KRIT1: variants seen among roughly 807,000 people sequenced by gnomAD.
The protein encoded by KRIT1 is KRIT1 ankyrin repeat containing.
Under a neutral mutation model 95.8 loss-of-function variants are expected in KRIT1, and 45 were observed. The ratio of observed to expected loss-of-function variants is 0.47; its 90% CI spans 0.37 to 0.60. The LOEUF is 0.60. Ranked by LOEUF, KRIT1 falls within the 20% of genes least tolerant of loss-of-function variation. The probability of loss-of-function intolerance (pLI) is 0.00; values close to 1 mark genes in which losing one functional copy is unlikely to be tolerated. For synonymous variants in KRIT1, 282 were observed against 278.8 expected (o/e 1.01, Z -0.11); for missense variants, 788 against 877.5 (o/e 0.90, Z 1.29).
In KRIT1 at chr7:92,222,845, A is replaced by G. The variant is rs770486304; in HGVS notation, c.1388T>C (p.Ile463Thr). ...ACTGAGGTTTTCTGAACAAATCCAT[A>G]TAGTGAAATATTGCTGAGTTTCTTG... is the stretch of plus-strand genomic sequence containing the variant. Reference protein sequence around the residue: ...LSQETQQYFTIWICSENLSLQ... With the variant: ...LSQETQQYFTTWICSENLSLQ... The change falls in exon 13 of 19, where the codon ATA (isoleucine) becomes ACA (threonine). Residue 463 changes from isoleucine to threonine, a missense_variant. Ile to Thr is a moderately conservative substitution (Grantham distance 89, BLOSUM62 -1). Transcript: ENST00000394505. 6 of 1,606,608 alleles carry G rather than the reference A, an allele frequency of 3.7e-6. No homozygotes were observed. In the Admixed American group the frequency reaches 5.0e-5, roughly 13 times the overall value.
chr7:92,224,859 T>G (rs1371578342), intron 12 of KRIT1, among the ~76,000 whole-genome samples: 1 of 152,076 alleles, frequency 6.6e-6, no homozygotes, highest in Non-Finnish European at 1.5e-5. Context: ...AATGAATAGA[T>G]TAAAATTACG....
intron 12 of KRIT1, among the ~76,000 whole-genome samples, chr7:92,223,273 CAAAAAAAA>C (rs568078150): frequency 2.4e-5 from 1 of 42,114 alleles, no homozygotes; most frequent in African/African-American, 7.5e-5. Context: ...ACTAAAAATA[CAAAAAAAA>C]AAAAAAAAAA....
Position 92,234,599 on chromosome 7 carries a change from A to G in KRIT1, c.846-7T>C. On this transcript the variant is annotated splice_polypyrimidine_tract_variant and splice_region_variant and intron_variant, in intron 9 of 18. Transcript: ENST00000394505. ...ATCTACCCACTGTCGTTCCCTAATCATTAAAAAGAAATTTTGAAAAATACA... is the reference window on the plus strand; with the variant it reads ...ATCTACCCACTGTCGTTCCCTAATCGTTAAAAAGAAATTTTGAAAAATACA... 1.2e-6 allele frequency: 2 copies of G among 1,611,620 alleles called. No homozygotes were observed. Among genetic ancestry groups the G allele is most frequent in the Non-Finnish European group, 1.7e-6 (2 of 1,177,768 alleles).
At chr7:92,207,876 C>CAAAT (rs1430376552) in intron 17 of KRIT1, among the ~76,000 whole-genome samples, 2 of 152,026 alleles carry the variant, frequency 1.3e-5, no homozygotes, top group African/African-American at 4.8e-5. Context: ...TATAAACAAA[C>CAAAT]AAATAAATAA....
chr7:92,211,949 A>C (rs1233200739), intron 17 of KRIT1, among the ~76,000 whole-genome samples: 2 of 148,394 alleles, frequency 1.3e-5, no homozygotes, highest in African/African-American at 2.5e-5. Flanking sequence ...AAAAACAACA[A>C]AAAAAAAAAG....
At chr7:92,224,334 C>T (rs866369673) in intron 12 of KRIT1, among the ~76,000 whole-genome samples, 4 of 152,214 alleles carry the variant, frequency 2.6e-5, no homozygotes, top group Middle Eastern at 3.4e-3. Context: ...AGCGGTGGCA[C>T]GTCTGTAGTC....
chr7:92,230,588 A>G (rs763781941), intron 10 of KRIT1, among the ~76,000 whole-genome samples: 3 of 152,232 alleles, frequency 2.0e-5, no homozygotes, highest in Non-Finnish European at 4.4e-5. Flanking sequence ...AAGGAAGGAA[A>G]GAAACAGGAT....
At chr7:92,201,263 T>C in intron 18 of KRIT1, 44 bp downstream of exon 18, 1 of 907,408 alleles carries the variant, frequency 1.1e-6, no homozygotes, top group East Asian at 2.4e-5. Context: ...GAAGTAACTT[T>C]ACTAACACAA....
chr7:92,233,168 AC>A (rs1394529893), intron 10 of KRIT1, among the ~76,000 whole-genome samples: 4 of 51,004 alleles, frequency 7.8e-5, no homozygotes, highest in Admixed American at 1.7e-4. Context: ...TTATACACAC[AC>A]ACACACACAC....
intron 1 of KRIT1, 48 bp from the exon 2 acceptor site, chr7:92,245,219 G>A (rs1017817384): frequency 6.6e-6 from 1 of 151,836 alleles, no homozygotes; most frequent in Non-Finnish European, 1.5e-5. Context: ...GTTACAGGGG[G>A]AGAAGTGAGT....
intron 9 of KRIT1, 95 bp downstream of exon 9, chr7:92,234,713 C>A (rs1798029466): frequency 9.4e-7 from 1 of 1,061,386 alleles, no homozygotes; most frequent in Middle Eastern, 2.0e-4. Flanking sequence ...ATAGTGACTA[C>A]AATGCATACA....
chr7:92,214,831 G>T, intron 14 of KRIT1, 54 bp from the exon 15 acceptor site: 1 of 1,225,244 alleles, frequency 8.2e-7, no homozygotes, highest in Non-Finnish European at 1.2e-6. Flanking sequence ...TTTTACAAAT[G>T]AACAACTTAA....
chr7:92,225,744 C>A lies in KRIT1; in HGVS notation c.1230G>T (p.Leu410Phe), dbSNP rs1796075230. The A allele has an allele frequency of 6.3e-7, 1 of 1,597,724 alleles. No individual in the cohort carries two copies. The highest frequency in any genetic ancestry group is 1.3e-5 in the African/African-American group (1 of 74,600). Residue 410 changes from leucine to phenylalanine, a missense_variant, in exon 12 of 19, where the codon TTG becomes TTT. Physicochemically the swap from Leu to Phe is conservative, Grantham distance 22. Transcript: ENST00000394505. ...KQNNWEEAAK[L>F]LKEAINKPYE... is the part of the protein sequence containing the mutation. ...CTGGTTTGTTAATTGCTTCCTTCAACAATTTTGCAGCTTCTTCCCAGTTGT... is the reference window on the plus strand; with the variant it reads ...CTGGTTTGTTAATTGCTTCCTTCAAAAATTTTGCAGCTTCTTCCCAGTTGT...
rs746035680 is a variant in KRIT1 at position 92,236,454 on chromosome 7, A to G, written c.444T>C (p.His148=). The part of the protein sequence containing the change: ...IMRVCSESST[H]FATLTARMLI... ...ACATCCTTGCTGTAAGTGTAGCAAA[A>G]TGAGTACTGGATTCACTACAGACTC... is the stretch of plus-strand genomic sequence containing the variant. Residue 148 remains histidine (H), a synonymous_variant, in exon 7 of 19, where the codon CAT becomes CAC. Coordinates refer to ENST00000394505, the MANE Select transcript of KRIT1 (RefSeq NM_194454.3). 1.8e-5 allele frequency: 29 copies of G among 1,605,562 alleles called. No homozygotes were observed. In the African/African-American group the frequency reaches 3.9e-4, roughly 21 times the overall value.
chr7:92,201,860 AG>A (rs1456591580), intron 17 of KRIT1, among the ~76,000 whole-genome samples: 1 of 152,190 alleles, frequency 6.6e-6, no homozygotes, highest in Admixed American at 6.6e-5. Context: ...GCCTTTTCAA[AG>A]CACCCCGCAC....
chr7:92,218,629 C>T (rs1457909599), intron 14 of KRIT1, among the ~76,000 whole-genome samples: 1 of 152,132 alleles, frequency 6.6e-6, no homozygotes, highest in Non-Finnish European at 1.5e-5. Context: ...ATCCTCCCAT[C>T]TCAGCCTCCC....
chr7:92,210,930 G>A (rs996031501), intron 17 of KRIT1, among the ~76,000 whole-genome samples: 3 of 152,122 alleles, frequency 2.0e-5, no homozygotes, highest in Non-Finnish European at 4.4e-5. Context: ...ATTAAAAAAT[G>A]CTTACCACGA....
chr7:92,204,110 A>T (rs1164020207), intron 17 of KRIT1: 3 of 151,828 alleles, frequency 2.0e-5, no homozygotes, highest in Non-Finnish European at 4.4e-5. Context: ...ATAATAAAAA[A>T]ATTAGCTGGG....
At chr7:92,209,125 C>T (rs1282480279) in intron 17 of KRIT1, among the ~76,000 whole-genome samples, 1 of 151,804 alleles carries the variant, frequency 6.6e-6, no homozygotes, top group African/African-American at 2.4e-5. Context: ...AAAAGAATTT[C>T]ATGAAGTTCA....
Sources: allele counts gnomAD v4.1 joint callset (sites outside exome capture counted in the v4.1 genomes callset), GRCh38; gene constraint gnomAD v4.1.1; transcripts MANE v1.5; gene names NCBI Gene and HGNC (gene_info 2026-07-23, HGNC 2026-07-21).